The following TXLNA variants were observed in gnomAD, a reference collection of about 807,000 sequenced individuals.
The protein encoded by TXLNA is taxilin alpha.
TXLNA carries 9 observed loss-of-function variants against 61.4 expected under a neutral mutation model. The observed-to-expected ratio is 0.15, with a 90% CI of 0.09 to 0.26. The LOEUF is 0.26. Ranked by LOEUF, TXLNA falls within the 10% of genes least tolerant of loss-of-function variation. The pLI is 1.00. For missense variants in TXLNA, 565 were observed against 688.8 expected (o/e 0.82, Z 2.01); for synonymous variants, 257 against 267.7 (o/e 0.96, Z 0.39).
At chr1:32,182,673 AAAAG>A (rs974318048) in intron 3 of TXLNA, among the ~76,000 whole-genome samples, 8 of 151,824 alleles carry the variant, frequency 5.3e-5, no homozygotes, top group Admixed American at 4.6e-4. Context: ...AAAAAAAAAA[AAAAG>A]AATCTAGAAT....
In TXLNA at chr1:32,180,074, A is replaced by T. The variant is rs1470549484; in HGVS notation, c.-32-240A>T. On this transcript the variant is annotated intron_variant, in intron 1 of 10. Transcript: ENST00000373610. ...CGCGAGGGGGCCGGTTGTGCCGGGA[A>T]GTGGCTCCAGGGAGAAGAGGCCTCT... 4 of 295,708 alleles carry T rather than the reference A, an allele frequency of 1.4e-5. No homozygotes were observed. In the East Asian group the frequency reaches 2.6e-4, roughly 19 times the overall value. The allele number at this position is 295,708 out of a possible 1,614,324, so 18.3% of individuals were successfully genotyped here. A position where few individuals can be genotyped will look rare whatever the true frequency, so the allele number is the denominator to read the frequency against.
intron 3 of TXLNA, among the ~76,000 whole-genome samples, chr1:32,183,657 C>T (rs1222843939): frequency 1.3e-5 from 2 of 150,414 alleles, no homozygotes; most frequent in Non-Finnish European, 3.0e-5. Flanking sequence ...GTTTTGATCT[C>T]CTGACCTCGT....
At chr1:32,183,822 C>T (rs749808441) in intron 3 of TXLNA, among the ~76,000 whole-genome samples, 27 of 151,874 alleles carry the variant, frequency 1.8e-4, no homozygotes, top group African/African-American at 3.4e-4. Context: ...CTGCAACCTC[C>T]GCCTCCTGGG....
rs1056393673 is a variant in TXLNA at position 32,192,232 on chromosome 1, G to T, written c.964-79G>T. ...ATTGAGATGGGGGGCTGGGCAAAGT[G>T]CCCTGGTCTGTGGCTGTGGGGCTAC... On this transcript the variant is annotated intron_variant, in intron 6 of 10. Coordinates refer to ENST00000373610, the MANE Select transcript of TXLNA (RefSeq NM_175852.4). The surrounding 1 kb of genome is among the most constrained non-coding windows in gnomAD (Gnocchi z 4.2). The T allele has an allele frequency of 1.6e-5, 25 of 1,577,894 alleles. No homozygotes were observed. The highest frequency in any genetic ancestry group is 3.4e-4 in the Middle Eastern group (2 of 5,852).
In TXLNA at chr1:32,184,583, G is replaced by C; in HGVS notation, c.564G>C (p.Lys188Asn). Residue 188 changes from lysine to asparagine, a missense_variant, in exon 4 of 11, where the codon AAG becomes AAC. Physicochemically the swap from Lys to Asn is moderately conservative, Grantham distance 94. This residue lies in a region of TXLNA where 373 missense variants were observed against 504.0 expected (regional missense o/e 0.74). Transcript: ENST00000373610. ...TLNTLSTPEE[K>N]LAALCKKYAE... is the part of the protein sequence containing the mutation. Reference sequence around the variant, plus strand: ...ATACTCTGAGTACCCCAGAGGAGAAGCTGGCTGCTCTGTGCAAGAAGTATG... The same window carrying C: ...ATACTCTGAGTACCCCAGAGGAGAACCTGGCTGCTCTGTGCAAGAAGTATG... 1 of 1,613,848 alleles carries C rather than the reference G, an allele frequency of 6.2e-7. No homozygotes were observed. The highest frequency in any genetic ancestry group is 8.5e-7 in the Non-Finnish European group (1 of 1,179,728).
chr1:32,182,485 A>T (rs1642685855), intron 3 of TXLNA, among the ~76,000 whole-genome samples: 1 of 151,834 alleles, frequency 6.6e-6, no homozygotes, highest in African/African-American at 2.4e-5. Context: ...AACATGATGA[A>T]ATCCCGTCTC....
chr1:32,193,936 C>T, intron 9 of TXLNA, 129 bp from the exon 10 acceptor site: 1 of 673,502 alleles, frequency 1.5e-6, no homozygotes, highest in Non-Finnish European at 2.6e-6. Context: ...TGACTGCATC[C>T]TGTAATGCCT....
rs894871825 is a variant in TXLNA at position 32,195,606 on chromosome 1, G to T, written c.*411G>T. The T allele has an allele frequency of 3.4e-5, 14 of 410,964 alleles. No homozygotes were observed. The Admixed American group carries it at 4.4e-4, about 13-fold the overall frequency. The allele number at this position is 410,964 out of a possible 1,614,324, so 25.5% of individuals were successfully genotyped here. The stretch of plus-strand genomic sequence containing the variant: ...GAGCTCAAGACAAGTAATACACCCA[G>T]GTCTTGACTGCATTTGTCTTGTGAG... On this transcript the variant is annotated 3_prime_UTR_variant, in exon 11 of 11. Coordinates refer to ENST00000373610, the MANE Select transcript of TXLNA (RefSeq NM_175852.4).
At chr1:32,190,973 A>G (rs1381431412) in intron 6 of TXLNA, among the ~76,000 whole-genome samples, 4 of 151,990 alleles carry the variant, frequency 2.6e-5, no homozygotes, top group African/African-American at 9.7e-5. Context: ...GCACGGCTGT[A>G]GTCCCAGCTA....
chr1:32,187,513 GC>G (rs1642812587), intron 4 of TXLNA, among the ~76,000 whole-genome samples: 1 of 152,172 alleles, frequency 6.6e-6, no homozygotes, highest in African/African-American at 2.4e-5. Flanking sequence ...GTTGGGGAGA[GC>G]GCTGATGAAC....
At chr1:32,190,502 G>C (rs921552926) in intron 6 of TXLNA, among the ~76,000 whole-genome samples, 1 of 152,188 alleles carries the variant, frequency 6.6e-6, no homozygotes, top group Non-Finnish European at 1.5e-5. Context: ...TTTGGAATTA[G>C]AACTATCCAC....
Position 32,192,667 on chromosome 1 carries a change from A to G in TXLNA, c.1094A>G (p.Glu365Gly), listed in dbSNP as rs2124161122. The change falls in exon 8 of 11, where the codon GAG becomes GGG. Residue 365 changes from glutamate (E) to glycine (G), a missense_variant. Glu to Gly is a moderately conservative substitution (Grantham distance 98). Around this residue, in one of 2 missense-constraint regions of TXLNA, gnomAD observed 373 missense variants for 504.0 expected, o/e 0.74. Transcript: ENST00000373610. This position sits in a 1 kb window ranked among gnomAD's most constrained non-coding sequence, Gnocchi z 4.2. ...CTGTCTTGGAAATAGCTCCTGAAAG[A>G]GGCAGTAGAGTCCCAGAGGATGTGT... ...HQREKDFLLK[E>G]AVESQRMCEL... The G allele has an allele frequency of 6.2e-7, 1 of 1,614,224 alleles. No individual in the cohort carries two copies. Among genetic ancestry groups the G allele is most frequent in the Non-Finnish European group, 8.5e-7 (1 of 1,180,036 alleles).
chr1:32,186,719 G>C (rs548339620), intron 4 of TXLNA, among the ~76,000 whole-genome samples: 1 of 152,302 alleles, frequency 6.6e-6, no homozygotes, highest in South Asian at 2.1e-4. Context: ...GAGCTAAAAA[G>C]ATAGGTGATG....
intron 5 of TXLNA, among the ~76,000 whole-genome samples, chr1:32,189,076 GTGTAGGGCT>G (rs1379438253): frequency 6.6e-6 from 1 of 151,980 alleles, no homozygotes; most frequent in Non-Finnish European, 1.5e-5. Flanking sequence ...CTATCAGTAT[GTGTAGGGCT>G]ATCTTCTCAT....
intron 5 of TXLNA, 136 bp from the exon 6 acceptor site, chr1:32,189,919 C>A: frequency 1.1e-6 from 1 of 869,736 alleles, no homozygotes; most frequent in Non-Finnish European, 1.8e-6. Flanking sequence ...ACCCGCATTG[C>A]ACAACATCCT....
intron 2 of TXLNA, 105 bp downstream of exon 2, chr1:32,180,619 G>A (rs765357439): frequency 7.1e-7 from 1 of 1,410,242 alleles, no homozygotes; most frequent in Non-Finnish European, 9.4e-7. Flanking sequence ...AGGAGGAGAT[G>A]TAGAATGAGA....
intron 5 of TXLNA, among the ~76,000 whole-genome samples, chr1:32,189,530 A>G (rs915685969): frequency 9.4e-5 from 14 of 148,792 alleles, no homozygotes; most frequent in Admixed American, 9.4e-4. Flanking sequence ...GTGTGCCTGC[A>G]TTTTTTCTTC....
chr1:32,188,151 G>A, intron 5 of TXLNA, 27 bp downstream of exon 5: 1 of 1,522,024 alleles, frequency 6.6e-7, no homozygotes, highest in Non-Finnish European at 8.9e-7. Flanking sequence ...TGGAACAGGT[G>A]ACTCTGGTTT....
intron 6 of TXLNA, 93 bp downstream of exon 6, chr1:32,190,342 C>G: frequency 8.2e-7 from 1 of 1,221,534 alleles, no homozygotes; most frequent in Non-Finnish European, 1.1e-6. Context: ...AGGCTTCATC[C>G]CATTCTCCCT....
Sources: allele counts gnomAD v4.1 joint callset (sites outside exome capture counted in the v4.1 genomes callset), GRCh38; gene constraint gnomAD v4.1.1; regional missense constraint gnomAD v4.1.1; non-coding constraint Gnocchi (gnomAD v3.1); transcripts MANE v1.5; gene names NCBI Gene and HGNC (gene_info 2026-07-23, HGNC 2026-07-21).